Variants in CDH19 observed in about 807,000 individuals in gnomAD.
CDH19 encodes the protein cadherin-19.
A neutral mutation model predicts 64.2 loss-of-function variants in CDH19; 67 were observed. That is an observed-to-expected ratio of 1.04 (90% confidence interval 0.86 to 1.28). The LOEUF (loss-of-function observed/expected upper bound fraction) is 1.28. Among genes scored for constraint, CDH19 ranks in the 50% most tolerant of loss-of-function variants. The pLI, the probability that CDH19 is intolerant of heterozygous loss-of-function variation, is 0.00. For synonymous variants in CDH19, 346 were observed against 319.3 expected, an observed-to-expected ratio of 1.08 and a Z score of -0.89; for missense variants, 1,030 against 929.0, an observed-to-expected ratio of 1.11 and a Z score of -1.41.
At chr18:66,571,307 C>T (rs977334070) in intron 2 of CDH19, among the ~76,000 whole-genome samples, 3 of 151,530 alleles carry the variant, frequency 2.0e-5, no homozygotes, top group Non-Finnish European at 3.0e-5. Flanking sequence ...GAGTGCTTCA[C>T]CCTTTGGGCC....
At chr18:66,524,059 A>C (rs1986111052) in intron 9 of CDH19, among the ~76,000 whole-genome samples, 1 of 152,166 alleles carries the variant, frequency 6.6e-6, no homozygotes, top group African/African-American at 2.4e-5. Flanking sequence ...GTAAGCAATC[A>C]AAGACTAACA....
chr18:66,542,481 GAAAC>G (rs1267569615), intron 7 of CDH19, among the ~76,000 whole-genome samples: 3 of 152,112 alleles, frequency 2.0e-5, no homozygotes, highest in Non-Finnish European at 4.4e-5. Context: ...CTCAACTACT[GAAAC>G]AAACAAATAA....
intron 7 of CDH19, among the ~76,000 whole-genome samples, chr18:66,540,474 G>T (rs1416471327): frequency 6.6e-6 from 1 of 152,084 alleles, no homozygotes; most frequent in Non-Finnish European, 1.5e-5. Context: ...ACCATAGACT[G>T]GGCAGCTTAT....
chr18:66,525,312 A>T (rs2144399200), intron 9 of CDH19, among the ~76,000 whole-genome samples: 1 of 152,224 alleles, frequency 6.6e-6, no homozygotes, highest in Admixed American at 6.5e-5. Flanking sequence ...TATGCACACC[A>T]TTTCAGTTAC....
At chr18:66,574,036 A>G (rs998369420) in intron 1 of CDH19, among the ~76,000 whole-genome samples, 3 of 151,728 alleles carry the variant, frequency 2.0e-5, no homozygotes, top group Non-Finnish European at 4.4e-5. Context: ...AAAAATCTTT[A>G]TCTTTGAATT....
intron 1 of CDH19, among the ~76,000 whole-genome samples, chr18:66,594,974 G>T (rs1988845195): frequency 6.6e-6 from 1 of 150,942 alleles, no homozygotes; most frequent in Non-Finnish European, 1.5e-5. Context: ...CCTGCATATT[G>T]TGCACATGTA....
chr18:66,509,285 G>A lies in CDH19; in HGVS notation c.1577-39C>T, dbSNP rs768932423. 6.3e-6 allele frequency: 10 copies of A among 1,583,790 alleles called. No individual in the cohort carries two copies. In the African/African-American group the frequency reaches 6.7e-5, roughly 11 times the overall value. On this transcript the variant is annotated intron_variant, in intron 10 of 11. Coordinates refer to ENST00000262150, the MANE Select transcript of CDH19 (RefSeq NM_021153.4). ...CCATGTGCATAATTTTTTCAACTACGTAAGAGAAATTTGTATGTAATAGTC... is the reference window on the plus strand; with the variant it reads ...CCATGTGCATAATTTTTTCAACTACATAAGAGAAATTTGTATGTAATAGTC...
At chr18:66,603,741 G>C (rs920954959) in intron 1 of CDH19, among the ~76,000 whole-genome samples, 5 of 151,952 alleles carry the variant, frequency 3.3e-5, no homozygotes. Flanking sequence ...ATGGAGAACT[G>C]TTCTCACAAA....
intron 1 of CDH19, among the ~76,000 whole-genome samples, chr18:66,586,335 G>C (rs531040301): frequency 9.7e-4 from 147 of 151,938 alleles, no homozygotes; most frequent in Middle Eastern, 3.4e-3. Flanking sequence ...TAAAAAATAA[G>C]AATAAGAGTT....
intron 1 of CDH19, among the ~76,000 whole-genome samples, chr18:66,585,993 T>A (rs1304558167): frequency 1.3e-5 from 2 of 152,126 alleles, no homozygotes; most frequent in African/African-American, 4.8e-5. Flanking sequence ...TATGCACTTA[T>A]GCAGTTTGAA....
At chr18:66,587,140 C>T (rs1017908187) in intron 1 of CDH19, among the ~76,000 whole-genome samples, 2 of 152,094 alleles carry the variant, frequency 1.3e-5, no homozygotes, top group Non-Finnish European at 1.5e-5. Context: ...TAATCCTGCT[C>T]TTCAGCAAAG....
rs139166584 is a variant in CDH19 at position 66,580,986 on chromosome 18, A to G, written c.-112-8670T>C. ...AACACTCTGGGCTGAAACCAGGCAAATAAGAAAAAATGCTCTCGCCTGAAA... is the reference window on the plus strand; with the variant it reads ...AACACTCTGGGCTGAAACCAGGCAAGTAAGAAAAAATGCTCTCGCCTGAAA... On this transcript the variant is annotated intron_variant, in intron 1 of 11. Coordinates refer to ENST00000262150, the MANE Select transcript of CDH19 (RefSeq NM_021153.4). 5.8e-4 allele frequency among the ~76,000 whole-genome samples: 88 copies of G among 152,244 alleles called. 1 individual carries two copies. The highest frequency in any genetic ancestry group is 2.0e-3 in the African/African-American group (82 of 41,582).
chr18:66,537,116 T>A (rs7227244), intron 7 of CDH19, among the ~76,000 whole-genome samples: 1 of 151,720 alleles, frequency 6.6e-6, no homozygotes, highest in Non-Finnish European at 1.5e-5. Context: ...AATAAATTAA[T>A]CGCTATAATT....
chr18:66,557,110 A>G (rs1987547534), intron 3 of CDH19, among the ~76,000 whole-genome samples: 1 of 151,994 alleles, frequency 6.6e-6, no homozygotes, highest in Non-Finnish European at 1.5e-5. Context: ...AGATATCTGC[A>G]TTCCCATGTT....
intron 3 of CDH19, among the ~76,000 whole-genome samples, chr18:66,565,279 A>G (rs1019775019): frequency 1.3e-5 from 2 of 152,000 alleles, no homozygotes; most frequent in East Asian, 3.9e-4. Context: ...AAAGCCCATC[A>G]TTACTTGTAA....
chr18:66,535,544 G>T (rs141773543), intron 7 of CDH19, among the ~76,000 whole-genome samples: 1 of 149,290 alleles, frequency 6.7e-6, no homozygotes, highest in Non-Finnish European at 1.5e-5. Context: ...ATAGTAGATA[G>T]AATTTTAATT....
At chr18:66,532,600 T>C in intron 8 of CDH19, 1 of 372,738 alleles carries the variant, frequency 2.7e-6, no homozygotes, top group Non-Finnish European at 5.3e-6. Context: ...ATGGAAATCT[T>C]TCAAAAGTTC....
chr18:66,545,011 T>C (rs1458263542), intron 5 of CDH19, 108 bp from the exon 6 acceptor site: 6 of 811,528 alleles, frequency 7.4e-6, no homozygotes, highest in African/African-American at 1.8e-5. Context: ...CGGAGTCTCA[T>C]TCTGTCGCCC....
Position 66,533,213 on chromosome 18 carries a change from T to TACACACAC in CDH19, c.1336+1765_1336+1772dup, listed in dbSNP as rs35376051. On this transcript the variant is annotated intron_variant, in intron 8 of 11. Transcript: ENST00000262150. The stretch of plus-strand genomic sequence containing the variant: ...AAAAATTAAAATTTCTAGGATTTAT[T>TACACACAC]ACACACACACACACACACACACACA... Among the ~76,000 whole-genome samples, 376 of 149,054 alleles carry TACACACAC rather than the reference T, an allele frequency of 2.5e-3. 1 individual carries two copies. Among genetic ancestry groups the TACACACAC allele is most frequent in the African/African-American group, 8.6e-3 (348 of 40,648 alleles).
Sources: allele counts gnomAD v4.1 joint callset (sites outside exome capture counted in the v4.1 genomes callset), GRCh38; gene constraint gnomAD v4.1.1; transcripts MANE v1.5; gene names NCBI Gene and HGNC (gene_info 2026-07-23, HGNC 2026-07-21).